ANO4: variants seen among roughly 807,000 people sequenced by gnomAD.
ANO4 encodes anoctamin-4.
Under a neutral mutation model 141.9 loss-of-function variants are expected in ANO4, and 69 were observed. That is an observed-to-expected ratio of 0.49 (90% CI 0.40 to 0.59). The LOEUF is 0.59. Among genes scored for constraint, ANO4 ranks in the 20% least tolerant of loss-of-function variants. The pLI is 0.00. For missense variants in ANO4, 894 were observed against 1,162.2 expected, an observed-to-expected ratio of 0.77 and a Z score of 3.36; for synonymous variants, 350 against 394.3, an observed-to-expected ratio of 0.89 and a Z score of 1.33.
chr12:100,993,335 C>A (rs1189298157), intron 8 of ANO4, among the ~76,000 whole-genome samples: 1 of 152,046 alleles, frequency 6.6e-6, no homozygotes, highest in Non-Finnish European at 1.5e-5. Context: ...CCAAGGTGGG[C>A]CTACAGGTAG....
At chr12:100,837,541 C>T (rs921646722) in intron 1 of ANO4, among the ~76,000 whole-genome samples, 1 of 151,872 alleles carries the variant, frequency 6.6e-6, no homozygotes, top group Non-Finnish European at 1.5e-5. Context: ...GTTGGGAGGC[C>T]GAGGCAGGAG....
At chr12:101,090,990 A>T (rs1009644847) in intron 17 of ANO4, among the ~76,000 whole-genome samples, 16 of 152,194 alleles carry the variant, frequency 1.1e-4, no homozygotes, top group African/African-American at 3.6e-4. Flanking sequence ...AGCACCTGCT[A>T]TATGCTGGGA....
intron 5 of ANO4, among the ~76,000 whole-genome samples, chr12:100,958,121 C>T (rs1471362472): frequency 6.6e-6 from 1 of 152,212 alleles, no homozygotes; most frequent in Non-Finnish European, 1.5e-5. Flanking sequence ...ATTCCTTTGA[C>T]TTATTTGCCG....
chr12:100,992,741 C>T (rs2045197594), intron 8 of ANO4, among the ~76,000 whole-genome samples: 1 of 152,164 alleles, frequency 6.6e-6, no homozygotes, highest in Non-Finnish European at 1.5e-5. Flanking sequence ...ATCTCCAATA[C>T]CTAACACAAT....
At chr12:100,778,992 T>A (rs890385704) in intron 3 of ANO4, among the ~76,000 whole-genome samples, 1 of 152,032 alleles carries the variant, frequency 6.6e-6, no homozygotes, top group Non-Finnish European at 1.5e-5. Flanking sequence ...CTCCTTTATA[T>A]ACTTGTGTTT....
chr12:100,781,241 A>G lies in ANO4; in HGVS notation c.358+41136A>G, dbSNP rs1259709304. On this transcript the variant is annotated intron_variant, in intron 3 of 29. Coordinates refer to the ANO4 transcript ENST00000644049. ...TTTAATATCAGACATTAAAATATTG[A>G]TAAGAAAGATTTTATTTATAACAGT... is the stretch of plus-strand genomic sequence containing the variant. Among the ~76,000 whole-genome samples the G allele has an allele frequency of 2.6e-5, 4 of 152,196 alleles. No homozygotes were observed. In the South Asian group the frequency reaches 6.2e-4, roughly 24 times the overall value.
At chr12:100,868,896 A>T (rs1282386041) in intron 1 of ANO4, among the ~76,000 whole-genome samples, 1 of 152,220 alleles carries the variant, frequency 6.6e-6, no homozygotes, top group Admixed American at 6.5e-5. Flanking sequence ...TTGTTTGTTT[A>T]ACATTTAAAA....
chr12:100,902,348 A>C (rs893902337), intron 2 of ANO4, among the ~76,000 whole-genome samples: 1 of 152,210 alleles, frequency 6.6e-6, no homozygotes, highest in Admixed American at 6.5e-5. Flanking sequence ...AAAATATTAA[A>C]ATGATTCTAC....
chr12:100,805,939 G>A (rs987697389), intron 1 of ANO4, among the ~76,000 whole-genome samples: 1 of 152,150 alleles, frequency 6.6e-6, no homozygotes, highest in East Asian at 1.9e-4. Flanking sequence ...GTGATGTTGT[G>A]GCAGGAAAAG....
At chr12:100,995,717 A>C (rs1258455468) in intron 8 of ANO4, among the ~76,000 whole-genome samples, 6 of 152,220 alleles carry the variant, frequency 3.9e-5, no homozygotes, top group Non-Finnish European at 7.3e-5. Flanking sequence ...TCTGCCTTTA[A>C]AAGGCACAGA....
At chr12:100,823,407 C>T (rs968770) in intron 1 of ANO4, among the ~76,000 whole-genome samples, 18,597 of 151,924 alleles carry the variant, frequency 0.12, 1,211 homozygotes, top group South Asian at 0.16. Context: ...GGTGGAAGGC[C>T]ACCCCTTTTT....
At chr12:100,818,691 C>G (rs767121005) in intron 1 of ANO4, among the ~76,000 whole-genome samples, 4 of 151,884 alleles carry the variant, frequency 2.6e-5, no homozygotes, top group Non-Finnish European at 5.9e-5. Flanking sequence ...AATTGCTAAA[C>G]CTTTCTGGAT....
intron 3 of ANO4, among the ~76,000 whole-genome samples, chr12:100,775,641 T>G (rs2033475947): frequency 6.6e-6 from 1 of 152,180 alleles, no homozygotes; most frequent in Non-Finnish European, 1.5e-5. Flanking sequence ...AAGTATTAAA[T>G]GAAATAATAC....
intron 1 of ANO4, among the ~76,000 whole-genome samples, chr12:100,881,913 G>C (rs2039589007): frequency 6.6e-6 from 1 of 152,120 alleles, no homozygotes; most frequent in South Asian, 2.1e-4. Context: ...TCAGATTTCA[G>C]TTCCATCACT....
At chr12:100,788,063 G>A (rs1328022763) in intron 3 of ANO4, among the ~76,000 whole-genome samples, 1 of 152,172 alleles carries the variant, frequency 6.6e-6, no homozygotes, top group East Asian at 1.9e-4. Flanking sequence ...TGATTGCCAT[G>A]GTTATTTATT....
chr12:100,968,168 T>C (rs1358141068), intron 5 of ANO4, among the ~76,000 whole-genome samples: 1 of 152,234 alleles, frequency 6.6e-6, no homozygotes, highest in Non-Finnish European at 1.5e-5. Context: ...AAAACAGCTA[T>C]CCTTTTATGC....
chr12:100,865,093 T>C (rs1243453195), intron 1 of ANO4, among the ~76,000 whole-genome samples: 1 of 152,204 alleles, frequency 6.6e-6, no homozygotes, highest in Non-Finnish European at 1.5e-5. Context: ...AATAAACATA[T>C]GTGTGCATGT....
rs538591265 is a variant in ANO4 at position 100,840,201 on chromosome 12, G to A, written c.-141+45174G>A. ...GTTACCCGTTCTCTTTCCTTCTCAA[G>A]GAGGAATGACTTCAGTGCAATTAAC... On this transcript the variant is annotated intron_variant, in intron 1 of 27. Transcript: ENST00000392977. Among the ~76,000 whole-genome samples the A allele has an allele frequency of 5.3e-5, 8 of 152,214 alleles. No homozygotes were observed. The East Asian group carries it at 7.7e-4, about 15-fold the overall frequency.
chr12:100,772,762 AC>A (rs1273389524), intron 3 of ANO4, among the ~76,000 whole-genome samples: 1 of 151,870 alleles, frequency 6.6e-6, no homozygotes, highest in Non-Finnish European at 1.5e-5. Flanking sequence ...AAACCTCCCA[AC>A]CCCCTTGAAT....
Sources: allele counts gnomAD v4.1 joint callset (sites outside exome capture counted in the v4.1 genomes callset), GRCh38; gene constraint gnomAD v4.1.1; transcripts MANE v1.5; gene names NCBI Gene and HGNC (gene_info 2026-07-23, HGNC 2026-07-21).